The following SCAPER variants were observed in gnomAD, a reference collection of about 807,000 sequenced individuals.
SCAPER encodes the protein S-phase cyclin A associated protein in the ER.
Under a neutral mutation model 182.2 loss-of-function variants are expected in SCAPER, and 98 were observed. That is an observed-to-expected ratio of 0.54 (90% CI 0.46 to 0.64). SCAPER has a LOEUF of 0.64. SCAPER is among the 30% of genes least tolerant of loss of function. The pLI is 0.00. For missense variants in SCAPER, 1,432 were observed against 1,690.0 expected, an observed-to-expected ratio of 0.85 and a Z score of 2.68; for synonymous variants, 605 against 564.6, an observed-to-expected ratio of 1.07 and a Z score of -1.01.
intron 18 of SCAPER, among the ~76,000 whole-genome samples, chr15:76,704,664 T>A (rs2059147915): frequency 6.6e-6 from 1 of 152,044 alleles, no homozygotes; most frequent in Admixed American, 6.6e-5. Flanking sequence ...AGGGCTAATA[T>A]CCAGAATCTA....
chr15:76,523,783 T>C (rs1445178018), intron 23 of SCAPER, among the ~76,000 whole-genome samples: 1 of 152,114 alleles, frequency 6.6e-6, no homozygotes, highest in Non-Finnish European at 1.5e-5. Context: ...CATGTTTCCA[T>C]GTATGCTTGG....
chr15:76,540,054 A>G (rs1331972936), intron 23 of SCAPER, among the ~76,000 whole-genome samples: 1 of 152,192 alleles, frequency 6.6e-6, no homozygotes, highest in Admixed American at 6.5e-5. Flanking sequence ...TTTAAAAATA[A>G]TTCCCAGGGT....
At position 76,841,811 on chromosome 15, in the gene SCAPER, G is replaced by T. The variant is rs1599034825; in HGVS notation, c.316C>A (p.Leu106Ile). The change falls in exon 5 of 32, where the codon CTT (leucine) becomes ATT (isoleucine). Residue 106 changes from leucine (L) to isoleucine (I), a missense_variant. This residue lies in a region of SCAPER where 480 missense variants were observed against 510.2 expected (regional missense o/e 0.94). Coordinates refer to ENST00000563290, the MANE Select transcript of SCAPER (RefSeq NM_020843.4). ...IDLRARYWAF[L>I]FDNLRRAVDE... Reference sequence around the variant, plus strand: ...ACTGCTCGGCGAAGATTATCAAAAAGAAATGCCCAGTATCGAGCTCTTAGA... The same window carrying T: ...ACTGCTCGGCGAAGATTATCAAAAATAAATGCCCAGTATCGAGCTCTTAGA... 1 of 1,613,920 alleles carries T rather than the reference G, an allele frequency of 6.2e-7. No homozygotes were observed. The highest frequency in any genetic ancestry group is 8.5e-7 in the Non-Finnish European group (1 of 1,179,876).
intron 5 of SCAPER, among the ~76,000 whole-genome samples, chr15:76,832,092 C>A (rs1368836552): frequency 1.3e-5 from 2 of 152,192 alleles, no homozygotes; most frequent in Admixed American, 1.3e-4. Flanking sequence ...ATCTTCTTAT[C>A]TCCAAATAAC....
chr15:76,464,611 T>A lies in SCAPER; in HGVS notation c.3078+6601A>T, dbSNP rs537512827. Reference sequence around the variant, plus strand: ...AGTTCAAACTTGTAGTGTTTAAGAGTCAATTGTATATGCCACGTTTTCTTT... The same window carrying A: ...AGTTCAAACTTGTAGTGTTTAAGAGACAATTGTATATGCCACGTTTTCTTT... On this transcript the variant is annotated intron_variant, in intron 25 of 31. Coordinates refer to ENST00000563290, the MANE Select transcript of SCAPER (RefSeq NM_020843.4). Among the ~76,000 whole-genome samples the A allele has an allele frequency of 9.2e-5, 14 of 152,204 alleles. 1 individual carries two copies. In the South Asian group the frequency reaches 2.9e-3, roughly 32 times the overall value.
At chr15:76,689,385 G>C (rs2058220760) in intron 20 of SCAPER, among the ~76,000 whole-genome samples, 2 of 152,002 alleles carry the variant, frequency 1.3e-5, no homozygotes, top group South Asian at 4.1e-4. Context: ...GTAAAATACT[G>C]AAATCAGAAA....
At chr15:76,640,902 GT>G (rs1387729936) in intron 21 of SCAPER, among the ~76,000 whole-genome samples, 3 of 152,152 alleles carry the variant, frequency 2.0e-5, no homozygotes, top group Non-Finnish European at 4.4e-5. Flanking sequence ...AGTCAGGGAG[GT>G]TTCACATCAC....
chr15:76,644,420 A>G (rs1004249605), intron 21 of SCAPER, among the ~76,000 whole-genome samples: 46 of 152,152 alleles, frequency 3.0e-4, no homozygotes, highest in Admixed American at 1.3e-4. Flanking sequence ...TTTCTAAAGA[A>G]TTTCTTACTT....
At chr15:76,577,113 A>T (rs1163956060) in intron 22 of SCAPER, 2 of 151,664 alleles carry the variant, frequency 1.3e-5, no homozygotes, top group African/African-American at 4.9e-5. Flanking sequence ...TCTGGTACAG[A>T]CTCCGTCCCT....
At chr15:76,719,844 G>A (rs990060274) in intron 17 of SCAPER, among the ~76,000 whole-genome samples, 6 of 150,986 alleles carry the variant, frequency 4.0e-5, no homozygotes, top group East Asian at 1.9e-4. Context: ...CGTAGAAAAC[G>A]CTAAAAAAAA....
intron 4 of SCAPER, among the ~76,000 whole-genome samples, chr15:76,845,127 A>G (rs985683307): frequency 1.3e-5 from 2 of 152,178 alleles, no homozygotes; most frequent in Non-Finnish European, 2.9e-5. Context: ...AAATCACACA[A>G]TCATTCCAAT....
intron 5 of SCAPER, among the ~76,000 whole-genome samples, chr15:76,817,477 G>A (rs1287452776): frequency 1.3e-5 from 2 of 152,112 alleles, no homozygotes; most frequent in African/African-American, 4.8e-5. Flanking sequence ...TACGTAGGAT[G>A]AACAGGTCTA....
In SCAPER at chr15:76,434,060, G is replaced by C; in HGVS notation, c.3311+18C>G. 1.3e-6 allele frequency: 2 copies of C among 1,590,146 alleles called. No homozygotes were observed. Among genetic ancestry groups the C allele is most frequent in the Middle Eastern group, 1.7e-4 (1 of 5,954 alleles). ...TTCTTAACAAAGAACAAAGTTTTAA[G>C]AACTCTAGCAATTTTACCTGATAAG... On this transcript the variant is annotated intron_variant, in intron 26 of 31. Transcript: ENST00000563290.
At chr15:76,722,238 T>C (rs2060290488) in intron 17 of SCAPER, among the ~76,000 whole-genome samples, 1 of 152,216 alleles carries the variant, frequency 6.6e-6, no homozygotes, top group South Asian at 2.1e-4. Context: ...TTTATTGATT[T>C]GCGTATGTTG....
In SCAPER at chr15:76,539,545, CT is replaced by C. The variant is rs36086361; in HGVS notation, c.2839-34572del. Among the ~76,000 whole-genome samples, 781 of 119,382 alleles carry C rather than the reference CT, an allele frequency of 6.5e-3. 3 individuals carry two copies. The highest frequency in any genetic ancestry group is 0.019 in the African/African-American group (610 of 31,974). 78.3% of individuals were successfully genotyped at this position (119,382 alleles called of 152,430 possible). A position where few individuals can be genotyped will look rare whatever the true frequency, so the allele number is the denominator to read the frequency against. On this transcript the variant is annotated intron_variant, in intron 23 of 31. Coordinates refer to ENST00000563290, the MANE Select transcript of SCAPER (RefSeq NM_020843.4). ...CTGAAGTTTCTTAAAATCAAAATTT[CT>C]TTTTTTTTTTTTTTTTTTGAGACGG...
intron 22 of SCAPER, among the ~76,000 whole-genome samples, chr15:76,599,752 T>C (rs2049777660): frequency 8.2e-6 from 1 of 121,764 alleles, no homozygotes; most frequent in South Asian, 2.5e-4. Context: ...TGGTTGCCTC[T>C]TGGGTGGGAG....
intron 26 of SCAPER, among the ~76,000 whole-genome samples, chr15:76,408,933 AG>A (rs1161942947): frequency 1.3e-5 from 2 of 152,144 alleles, no homozygotes; most frequent in Admixed American, 1.3e-4. Context: ...CTACAAAATG[AG>A]CAAAGAGATA....
chr15:76,717,012 A>G (rs2059920838), intron 17 of SCAPER, among the ~76,000 whole-genome samples: 2 of 152,120 alleles, frequency 1.3e-5, no homozygotes, highest in Non-Finnish European at 2.9e-5. Flanking sequence ...ACAATGAAAT[A>G]GTTTTAAAAA....
intron 25 of SCAPER, among the ~76,000 whole-genome samples, chr15:76,459,716 CT>C (rs2049012427): frequency 6.6e-6 from 1 of 151,968 alleles, no homozygotes; most frequent in Non-Finnish European, 1.5e-5. Context: ...GTTGCCTGTA[CT>C]TTTGAGGTCT....
Sources: allele counts gnomAD v4.1 joint callset (sites outside exome capture counted in the v4.1 genomes callset), GRCh38; gene constraint gnomAD v4.1.1; regional missense constraint gnomAD v4.1.1; transcripts MANE v1.5; gene names NCBI Gene and HGNC (gene_info 2026-07-23, HGNC 2026-07-21).